SLC2A4RG: variants seen among roughly 807,000 people sequenced by gnomAD.
SLC2A4RG encodes SLC2A4 regulator.
SLC2A4RG carries 23 observed loss-of-function variants against 35.5 expected under a neutral mutation model. The ratio of observed to expected loss-of-function variants is 0.65; its 90% CI spans 0.47 to 0.92. The LOEUF (loss-of-function observed/expected upper bound fraction) is 0.92. SLC2A4RG is among the 40% of genes least tolerant of loss of function. SLC2A4RG has a pLI of 0.00. For synonymous variants in SLC2A4RG, 306 were observed against 243.7 expected (o/e 1.26, Z -2.38); for missense variants, 539 against 525.0 (o/e 1.03, Z -0.26).
Position 63,742,116 on chromosome 20 carries a change from C to A in SLC2A4RG, c.580-14C>A, listed in dbSNP as rs1158468834. 1 of 1,603,308 alleles carries A rather than the reference C, an allele frequency of 6.2e-7. No homozygotes were observed. The highest frequency in any genetic ancestry group is 1.1e-5 in the South Asian group (1 of 89,738). On this transcript the variant is annotated splice_polypyrimidine_tract_variant and intron_variant, in intron 4 of 7. Coordinates refer to ENST00000266077, the MANE Select transcript of SLC2A4RG (RefSeq NM_020062.4). Reference sequence around the variant, plus strand: ...TGTGGCGGCTGAGCCTGACCCTGGCCCCTGTTGCTGCAGAGCCCGGCCCAG... The same window carrying A: ...TGTGGCGGCTGAGCCTGACCCTGGCACCTGTTGCTGCAGAGCCCGGCCCAG...
intron 3 of SLC2A4RG, 76 bp from the exon 4 acceptor site, chr20:63,741,793 G>T: frequency 6.8e-7 from 1 of 1,471,190 alleles, no homozygotes; most frequent in South Asian, 1.4e-5. Context: ...CGGACTTGGT[G>T]AACAGGGGCA....
Position 63,739,796 on chromosome 20 carries a change from C to G in SLC2A4RG, c.-117C>G. ...CGGGCAGCCTCCGGGCGGCGCGGCG[C>G]GGGCGGCGGCCGGATCCAGGGCGGG... On this transcript the variant is annotated 5_prime_UTR_variant, in exon 1 of 8. Transcript: ENST00000266077. The G allele has an allele frequency of 1.1e-6, 1 of 881,892 alleles. No homozygotes were observed. The allele number at this position is 881,892 out of a possible 1,614,324, so 54.6% of individuals were successfully genotyped here.
chr20:63,741,287 G>T (rs2092040081), intron 2 of SLC2A4RG, 83 bp from the exon 3 acceptor site: 40 of 1,262,434 alleles, frequency 3.2e-5, no homozygotes, highest in Non-Finnish European at 4.4e-5. Context: ...GTGCACGCGT[G>T]CCCAGGCCTG....
rs1310239771 is a variant in SLC2A4RG at position 63,739,826 on chromosome 20, G to C, written c.-87G>C. 1 of 975,796 alleles carries C rather than the reference G, an allele frequency of 1.0e-6. No individual in the cohort carries two copies. The highest frequency in any genetic ancestry group is 1.2e-6 in the Non-Finnish European group (1 of 825,832). 60.4% of individuals were successfully genotyped at this position (975,796 alleles called of 1,614,324 possible). A position where few individuals can be genotyped will look rare whatever the true frequency, so the allele number is the denominator to read the frequency against. ...GGCGGCCGGATCCAGGGCGGGGGTC[G>C]GCGGCCCGGCCAGCCCGGCCCGGCC... On this transcript the variant is annotated 5_prime_UTR_variant, in exon 1 of 8. Transcript: ENST00000266077.
intron 1 of SLC2A4RG, 77 bp downstream of exon 1, chr20:63,740,115 C>T: frequency 1.4e-6 from 1 of 739,362 alleles, no homozygotes; most frequent in Non-Finnish European, 1.6e-6. Context: ...GCCCAAACTT[C>T]GGGCCCCCGG....
chr20:63,742,783 A>T lies in SLC2A4RG; in HGVS notation c.1045A>T (p.Thr349Ser). 6.3e-7 allele frequency: 1 copy of T among 1,587,068 alleles called. No individual in the cohort carries two copies. The highest frequency in any genetic ancestry group is 8.6e-7 in the Non-Finnish European group (1 of 1,167,550). The change falls in exon 7 of 8, where the codon ACC (threonine) becomes TCC (serine). Residue 349 changes from threonine (T) to serine (S), a missense_variant. Thr to Ser is a moderately conservative substitution (Grantham distance 58). Coordinates refer to ENST00000266077, the MANE Select transcript of SLC2A4RG (RefSeq NM_020062.4). Reference protein sequence around the residue: ...PPALSSRIGVTLRKPRGDAKK... With the variant: ...PPALSSRIGVSLRKPRGDAKK... ...CGCCTTGTCCTCCAGGATCGGAGTCACCCTGAGGTGCGTGTGGGCTGAGGG... is the reference window on the plus strand; with the variant it reads ...CGCCTTGTCCTCCAGGATCGGAGTCTCCCTGAGGTGCGTGTGGGCTGAGGG...
rs2253829 is a variant in SLC2A4RG at position 63,741,726 on chromosome 20, G to T, written c.392-143G>T. 2.3e-5 allele frequency: 32 copies of T among 1,419,766 alleles called. No homozygotes were observed. In the African/African-American group the frequency reaches 4.2e-4, roughly 19 times the overall value. The allele number at this position is 1,419,766 out of a possible 1,614,324, so 87.9% of individuals were successfully genotyped here. On this transcript the variant is annotated intron_variant, in intron 3 of 7. Transcript: ENST00000266077. ...GCCAACCCTTTCCTGTGCCGGGGGG[G>T]TTTCTCCCCAAGCCCTGGGGCCAGC...
In SLC2A4RG at chr20:63,741,911, C is replaced by G. The variant is rs752686126; in HGVS notation, c.434C>G (p.Pro145Arg). 6.2e-6 allele frequency: 10 copies of G among 1,611,252 alleles called. No homozygotes were observed. Among genetic ancestry groups the G allele is most frequent in the Admixed American group, 3.3e-5 (2 of 59,896 alleles). ...TGGAAGGAGGCCCTGGTGCGGCCCC[C>G]AGGCAGCTACAGCAGCAGCAGCAAC... is the stretch of plus-strand genomic sequence containing the variant. Reference protein sequence around the residue: ...EPWKEALVRPPGSYSSSSNSG... With the variant: ...EPWKEALVRPRGSYSSSSNSG... Residue 145 changes from proline to arginine, a missense_variant, in exon 4 of 8, where the codon CCA becomes CGA. Pro to Arg is a moderately radical substitution (Grantham distance 103, BLOSUM62 -2). Coordinates refer to ENST00000266077, the MANE Select transcript of SLC2A4RG (RefSeq NM_020062.4).
rs2092046255 is a variant in SLC2A4RG, at chr20:63,742,222, G to T, written c.672G>T (p.Val224=). ...CGATGCAGAGACACATCCGCCTGGT[G>T]CACCTGGGGTGCGGCGGGGCCTGGG... ...ASAMQRHIRL[V]HLGRQAEPEQ... Residue 224 remains valine, a synonymous_variant, in exon 5 of 8, where the codon GTG becomes GTT. Transcript: ENST00000266077. 1 of 1,596,178 alleles carries T rather than the reference G, an allele frequency of 6.3e-7. No individual in the cohort carries two copies. Among genetic ancestry groups the T allele is most frequent in the Non-Finnish European group, 8.5e-7 (1 of 1,171,770 alleles).
chr20:63,740,218 C>G (rs1217715485), intron 1 of SLC2A4RG, 159 bp from the exon 2 acceptor site: 5 of 427,940 alleles, frequency 1.2e-5, no homozygotes, highest in Middle Eastern at 2.0e-3. Context: ...CCCTTCCCGC[C>G]GCGCCGGGCT....
At position 63,743,979 on chromosome 20, in the gene SLC2A4RG, CTTTT is replaced by C. The variant is rs1274005872; in HGVS notation, c.*993_*996del. The C allele has an allele frequency of 2.0e-5, 3 of 152,470 alleles. No individual in the cohort carries two copies. Among genetic ancestry groups the C allele is most frequent in the Admixed American group, 1.3e-4 (2 of 15,270 alleles). The allele number at this position is 152,470 out of a possible 1,614,324, so 9.4% of individuals were successfully genotyped here. ...AAATCAACAATCTTCAAACACTGCC[CTTTT>C]TTTGTGTGTTTTGTTTTTGTTGACA... is the stretch of plus-strand genomic sequence containing the variant. On this transcript the variant is annotated 3_prime_UTR_variant, in exon 8 of 8. Coordinates refer to ENST00000266077, the MANE Select transcript of SLC2A4RG (RefSeq NM_020062.4).
rs2092044186 is a variant in SLC2A4RG, at chr20:63,741,984, C to T, written c.507C>T (p.Ser169=). 6.2e-7 allele frequency: 1 copy of T among 1,612,982 alleles called. No individual in the cohort carries two copies. Among genetic ancestry groups the T allele is most frequent in the African/African-American group, 1.3e-5 (1 of 74,922 alleles). ...WDLASDQSSP[S]TPSPPLPPEA... ...TGGCCAGTGACCAGTCCTCTCCGTC[C>T]ACCCCGTCACCCCCACTGCCCCCCG... Residue 169 remains serine, a synonymous_variant, in exon 4 of 8, where the codon TCC becomes TCT. Coordinates refer to ENST00000266077, the MANE Select transcript of SLC2A4RG (RefSeq NM_020062.4).
chr20:63,741,451 G>A lies in SLC2A4RG; in HGVS notation c.363G>A (p.Leu121=), dbSNP rs2092040971. 6.2e-7 allele frequency: 1 copy of A among 1,613,274 alleles called. No individual in the cohort carries two copies. The highest frequency in any genetic ancestry group is 1.1e-5 in the South Asian group (1 of 91,076). Residue 121 remains leucine (L), a synonymous_variant, in exon 3 of 8, where the codon CTG becomes CTA. Coordinates refer to ENST00000266077, the MANE Select transcript of SLC2A4RG (RefSeq NM_020062.4). ...LTSLSTSPLL[L]GAPVAAFSPE... ...GCCTGTCCACCAGCCCTCTCCTTCT[G>A]GGGGCCCCGGTTGCAGCCTTCAGCC...
intron 2 of SLC2A4RG, 62 bp from the exon 3 acceptor site, chr20:63,741,308 G>A (rs1601365937): frequency 3.3e-6 from 5 of 1,515,166 alleles, no homozygotes; most frequent in East Asian, 4.5e-5. Context: ...CACGTGGACC[G>A]ACCAGGGGAG....
At chr20:63,741,603 C>T (rs2253823) in intron 3 of SLC2A4RG, 124 bp downstream of exon 3, 256,751 of 1,111,982 alleles carry the variant, frequency 0.23, 34,247 homozygotes, top group East Asian at 0.59. Flanking sequence ...AATGGACTCC[C>T]GCACCCTCAG....
chr20:63,740,291 G>C, intron 1 of SLC2A4RG, 86 bp from the exon 2 acceptor site: 1 of 929,612 alleles, frequency 1.1e-6, no homozygotes, highest in Non-Finnish European at 1.4e-6. Flanking sequence ...TTCGAGGCGG[G>C]CGCCGAGCGG....
chr20:63,740,330 T>G (rs1172612168), intron 1 of SLC2A4RG, 47 bp from the exon 2 acceptor site: 2 of 1,138,364 alleles, frequency 1.8e-6, no homozygotes, highest in Non-Finnish European at 2.2e-6. Flanking sequence ...GGGACCCCCC[T>G]CCCCCGGCCA....
At chr20:63,740,326 C>T (rs2092035366) in intron 1 of SLC2A4RG, 51 bp from the exon 2 acceptor site, 1 of 1,147,620 alleles carries the variant, frequency 8.7e-7, no homozygotes. Context: ...TTGAGGGACC[C>T]CCCTCCCCCG....
At chr20:63,742,254 CG>C in intron 5 of SLC2A4RG, 24 bp downstream of exon 5, 1 of 1,583,530 alleles carries the variant, frequency 6.3e-7, no homozygotes. Context: ...TGGGGTGCGG[CG>C]GGGCCTGCGG....
Sources: gnomAD v4.1 joint callset for allele counts on GRCh38, gnomAD v4.1.1 for gene constraint, MANE v1.5 for transcripts, NCBI Gene and HGNC (gene_info 2026-07-23, HGNC 2026-07-21) for gene names.